Variants in DRAM1 observed in about 807,000 individuals in gnomAD.
DRAM1 encodes the protein DNA damage-regulated autophagy modulator protein 1.
In DRAM1, 25 loss-of-function variants were observed where a neutral mutation model predicts 28.5. The ratio of observed to expected loss-of-function variants is 0.88; its 90% CI spans 0.64 to 1.23. DRAM1 has a LOEUF of 1.23. Among genes scored for constraint, DRAM1 ranks in the 50% most tolerant of loss-of-function variants. DRAM1 has a pLI of 0.00. For synonymous variants in DRAM1, 113 were observed against 114.2 expected (o/e 0.99, Z 0.07); for missense variants, 249 against 299.2 (o/e 0.83, Z 1.24).
intron 1 of DRAM1, among the ~76,000 whole-genome samples, chr12:101,894,585 A>T (rs994994142): frequency 6.6e-6 from 1 of 152,152 alleles, no homozygotes; most frequent in African/African-American, 2.4e-5. Context: ...ACAGATAAGC[A>T]AGAATAGAAC....
chr12:101,915,647 G>A (rs12313062), intron 5 of DRAM1, among the ~76,000 whole-genome samples: 54,873 of 151,570 alleles, frequency 0.36, 12,670 homozygotes, highest in African/African-American at 0.66. Context: ...GGTTCAAGCA[G>A]TTCTCCTGTC....
chr12:101,890,373 C>G (rs868720916), intron 1 of DRAM1, among the ~76,000 whole-genome samples: 13 of 85,732 alleles, frequency 1.5e-4, no homozygotes, highest in Non-Finnish European at 2.5e-4. Context: ...AACCACCGAG[C>G]CCGGCCCTAT....
In DRAM1 at chr12:101,920,091, T is replaced by C. The variant is rs1353272409; in HGVS notation, c.580-18T>C. 1.9e-6 allele frequency: 3 copies of C among 1,545,502 alleles called. No homozygotes were observed. Among genetic ancestry groups the C allele is most frequent in the Non-Finnish European group, 2.6e-6 (3 of 1,137,722 alleles). On this transcript the variant is annotated intron_variant, in intron 5 of 6. Transcript: ENST00000258534. ...GAGTCTTTTTCGGCTAAATTCTGTTTCTTTATTATTGCATTAGGATTATGT... is the reference window on the plus strand; with the variant it reads ...GAGTCTTTTTCGGCTAAATTCTGTTCCTTTATTATTGCATTAGGATTATGT...
chr12:101,905,858 C>A (rs1159087372), intron 3 of DRAM1, among the ~76,000 whole-genome samples: 1 of 152,084 alleles, frequency 6.6e-6, no homozygotes, highest in Non-Finnish European at 1.5e-5. Flanking sequence ...GGCACAATCT[C>A]GGCTTACTGC....
intron 1 of DRAM1, among the ~76,000 whole-genome samples, chr12:101,896,511 C>G (rs889798939): frequency 1.3e-5 from 2 of 152,046 alleles, no homozygotes; most frequent in African/African-American, 4.8e-5. Flanking sequence ...CACCTGTAAT[C>G]CCAGCACTTT....
intron 1 of DRAM1, 140 bp from the exon 2 acceptor site, chr12:101,897,723 A>G (rs995687332): frequency 3.1e-6 from 2 of 653,770 alleles, no homozygotes. Flanking sequence ...ACTTTAGAAC[A>G]AAATCAGGCC....
rs570983110 is a variant in DRAM1, at chr12:101,891,815, G to A, written c.132-6048G>A. 7.9e-5 allele frequency among the ~76,000 whole-genome samples: 12 copies of A among 152,326 alleles called. No individual in the cohort carries two copies. In the South Asian group the frequency reaches 2.5e-3, roughly 32 times the overall value. Reference sequence around the variant, plus strand: ...GCCCACTGCACTGCAGAAACTGTGTGGTGCAGAATGATGTGGTAGGAGCTG... The same window carrying A: ...GCCCACTGCACTGCAGAAACTGTGTAGTGCAGAATGATGTGGTAGGAGCTG... On this transcript the variant is annotated intron_variant, in intron 1 of 6. Transcript: ENST00000258534.
Position 101,897,732 on chromosome 12 carries a change from C to A in DRAM1, c.132-131C>A. On this transcript the variant is annotated intron_variant, in intron 1 of 6. Coordinates refer to ENST00000258534, the MANE Select transcript of DRAM1 (RefSeq NM_018370.3). ...GAAAATACTTTAGAACAAAATCAGG[C>A]CAAATCTTTGGAATTCAAAGTGGCT... 12 of 676,722 alleles carry A rather than the reference C, an allele frequency of 1.8e-5. 1 individual carries two copies. The highest frequency in any genetic ancestry group is 1.7e-4 in the South Asian group (9 of 54,102). 41.9% of individuals were successfully genotyped at this position (676,722 alleles called of 1,614,324 possible).
At chr12:101,881,216 G>A (rs555609772) in intron 1 of DRAM1, among the ~76,000 whole-genome samples, 2 of 152,290 alleles carry the variant, frequency 1.3e-5, no homozygotes, top group Admixed American at 6.5e-5. Context: ...GGAGGCAGAG[G>A]TTGCCGTGAA....
chr12:101,918,744 C>T (rs1874352042), intron 5 of DRAM1, among the ~76,000 whole-genome samples: 1 of 152,118 alleles, frequency 6.6e-6, no homozygotes, highest in South Asian at 2.1e-4. Context: ...TATGCAGCTT[C>T]AGAAGGCATG....
At chr12:101,880,812 G>T (rs1872663861) in intron 1 of DRAM1, among the ~76,000 whole-genome samples, 1 of 152,138 alleles carries the variant, frequency 6.6e-6, no homozygotes, top group African/African-American at 2.4e-5. Context: ...CTTATGAGAT[G>T]CTCAAATCAC....
At chr12:101,915,029 G>T (rs1874184751) in intron 5 of DRAM1, among the ~76,000 whole-genome samples, 1 of 149,058 alleles carries the variant, frequency 6.7e-6, no homozygotes, top group Non-Finnish European at 1.5e-5. Flanking sequence ...GCCCAGGCTG[G>T]AGTGCAGTGG....
chr12:101,885,836 G>A (rs1872868388), intron 1 of DRAM1, among the ~76,000 whole-genome samples: 1 of 151,940 alleles, frequency 6.6e-6, no homozygotes, highest in African/African-American at 2.4e-5. Context: ...CCTCCCAGTG[G>A]CCATTCTTAA....
chr12:101,895,185 G>GGTTTTTTTTTTTTTTGTTTT (rs1873299593), intron 1 of DRAM1, among the ~76,000 whole-genome samples: 1 of 102,910 alleles, frequency 9.7e-6, no homozygotes, highest in Non-Finnish European at 1.8e-5. Flanking sequence ...AAACCCTTCA[G>GGTTTTTTTTTTTTTTGTTTT]GTTTTTTTTT....
intron 3 of DRAM1, among the ~76,000 whole-genome samples, chr12:101,903,926 TACACACACACACACACACAC>T (rs775764624): frequency 7.4e-6 from 1 of 135,924 alleles, no homozygotes; most frequent in Non-Finnish European, 1.6e-5. Context: ...CACACACACA[TACACACACACACACACACAC>T]ACACACACAC....
At chr12:101,911,182 C>T (rs1364848057) in intron 4 of DRAM1, among the ~76,000 whole-genome samples, 1 of 152,104 alleles carries the variant, frequency 6.6e-6, no homozygotes, top group East Asian at 1.9e-4. Flanking sequence ...TTACAGTGAG[C>T]CAAGATTGTG....
rs905273170 is a variant in DRAM1 at position 101,885,472 on chromosome 12, G to A, written c.131+7552G>A. Reference sequence around the variant, plus strand: ...CACATTAAGCTTTTGAAGGGGGATAGGAAGAGGTTCATTTTTGCAAAAATG... The same window carrying A: ...CACATTAAGCTTTTGAAGGGGGATAAGAAGAGGTTCATTTTTGCAAAAATG... On this transcript the variant is annotated intron_variant, in intron 1 of 6. Transcript: ENST00000258534. 4.2e-4 allele frequency among the ~76,000 whole-genome samples: 64 copies of A among 151,134 alleles called. 1 individual carries two copies. The highest frequency in any genetic ancestry group is 1.6e-3 in the African/African-American group (64 of 41,156).
rs532632896 is a variant in DRAM1 at position 101,904,038 on chromosome 12, G to A, written c.342+2605G>A. On this transcript the variant is annotated intron_variant, in intron 3 of 6. Coordinates refer to ENST00000258534, the MANE Select transcript of DRAM1 (RefSeq NM_018370.3). ...GTCTCTCTCTGTTGCCCAGGCTGCA[G>A]TGCAGTGGCGCGATCTTGGCTCACT... Among the ~76,000 whole-genome samples, 29 of 152,270 alleles carry A rather than the reference G, an allele frequency of 1.9e-4. No individual in the cohort carries two copies. The South Asian group carries it at 4.6e-3, about 24-fold the overall frequency.
intron 4 of DRAM1, among the ~76,000 whole-genome samples, chr12:101,910,323 GT>G (rs1873990298): frequency 6.6e-6 from 1 of 152,080 alleles, no homozygotes; most frequent in African/African-American, 2.4e-5. Context: ...CATAATAGTG[GT>G]TGTAGTGTTA....
Sources: allele counts gnomAD v4.1 joint callset (sites outside exome capture counted in the v4.1 genomes callset), GRCh38; gene constraint gnomAD v4.1.1; transcripts MANE v1.5; gene names NCBI Gene and HGNC (gene_info 2026-07-23, HGNC 2026-07-21).